The following UBE2H variants were observed in gnomAD, a reference collection of about 807,000 sequenced individuals.
UBE2H encodes ubiquitin conjugating enzyme E2 H, also known as ubiquitin-conjugating enzyme E2 H.
A neutral mutation model predicts 29.0 loss-of-function variants in UBE2H; 3 were observed. The ratio of observed to expected loss-of-function variants is 0.10; its 90% CI spans 0.05 to 0.27. The LOEUF (loss-of-function observed/expected upper bound fraction) is 0.27. Among genes scored for constraint, UBE2H ranks in the 10% least tolerant of loss-of-function variants. UBE2H has a pLI of 1.00. For synonymous variants in UBE2H, 69 were observed against 82.9 expected (o/e 0.83, Z 0.91); for missense variants, 68 against 228.2 (o/e 0.30, Z 4.52).
chr7:129,888,038 G>A (rs1328960504), intron 1 of UBE2H, among the ~76,000 whole-genome samples: 1 of 152,228 alleles, frequency 6.6e-6, no homozygotes, highest in Non-Finnish European at 1.5e-5. Context: ...AGACAAGCAT[G>A]TGTCTGTATA....
At chr7:129,865,903 G>A (rs1805895311) in intron 3 of UBE2H, among the ~76,000 whole-genome samples, 1 of 152,140 alleles carries the variant, frequency 6.6e-6, no homozygotes, top group Non-Finnish European at 1.5e-5. Flanking sequence ...TCTGTTCCTA[G>A]CACACAGGGT....
chr7:129,850,165 G>C (rs912791406), intron 5 of UBE2H, among the ~76,000 whole-genome samples: 1 of 151,966 alleles, frequency 6.6e-6, no homozygotes, highest in Non-Finnish European at 1.5e-5. Flanking sequence ...CCAGGGGTTC[G>C]AGACCAGCCT....
chr7:129,887,175 A>G (rs1334019074), intron 1 of UBE2H, among the ~76,000 whole-genome samples: 2 of 152,104 alleles, frequency 1.3e-5, no homozygotes, highest in Non-Finnish European at 2.9e-5. Context: ...AGAGCTAAGA[A>G]CAAGAACTAG....
At chr7:129,886,767 TAAAAAAA>T (rs79067201) in intron 1 of UBE2H, among the ~76,000 whole-genome samples, 6 of 72,066 alleles carry the variant, frequency 8.3e-5, no homozygotes, top group Admixed American at 3.6e-4. Context: ...TGTTTTTTGG[TAAAAAAA>T]AAAAAAAAAA....
intron 1 of UBE2H, among the ~76,000 whole-genome samples, chr7:129,917,300 G>A (rs991800042): frequency 1.3e-5 from 2 of 152,198 alleles, no homozygotes; most frequent in African/African-American, 4.8e-5. Context: ...GTATCCAACT[G>A]ATCCAGCCCA....
At chr7:129,857,218 A>G (rs1048372816) in intron 5 of UBE2H, 2 of 348,176 alleles carry the variant, frequency 5.7e-6, no homozygotes, top group Admixed American at 4.7e-5. Context: ...ACATACATAT[A>G]AAATGTTTGC....
intron 1 of UBE2H, among the ~76,000 whole-genome samples, chr7:129,889,336 G>A (rs1021205298): frequency 1.2e-4 from 18 of 152,190 alleles, no homozygotes; most frequent in African/African-American, 4.1e-4. Flanking sequence ...ACATTAAACA[G>A]AGCCCTCACA....
At chr7:129,931,646 C>T (rs191859978) in intron 1 of UBE2H, among the ~76,000 whole-genome samples, 2 of 152,126 alleles carry the variant, frequency 1.3e-5, no homozygotes, top group South Asian at 2.1e-4. Context: ...TGTATTGAAT[C>T]TGGTATGTTT....
At position 129,892,246 on chromosome 7, in the gene UBE2H, G is replaced by T. The variant is rs377216505; in HGVS notation, c.54-11275C>A. Reference sequence around the variant, plus strand: ...TTATAGGCATGAGCCACCGCACCCGGCCTCAACCTTTCTTTTTTTTTTGAG... The same window carrying T: ...TTATAGGCATGAGCCACCGCACCCGTCCTCAACCTTTCTTTTTTTTTTGAG... On this transcript the variant is annotated intron_variant, in intron 1 of 6. Transcript: ENST00000355621. Among the ~76,000 whole-genome samples the T allele has an allele frequency of 3.7e-4, 54 of 145,164 alleles. No homozygotes were observed. In the East Asian group the frequency reaches 9.3e-3, roughly 25 times the overall value.
chr7:129,911,107 G>A (rs1806927915), intron 1 of UBE2H, among the ~76,000 whole-genome samples: 1 of 152,132 alleles, frequency 6.6e-6, no homozygotes, highest in African/African-American at 2.4e-5. Flanking sequence ...ACTCATGCCT[G>A]TAATCCCAGC....
chr7:129,881,746 G>A (rs564155104), intron 1 of UBE2H, among the ~76,000 whole-genome samples: 1 of 152,192 alleles, frequency 6.6e-6, no homozygotes, highest in Non-Finnish European at 1.5e-5. Flanking sequence ...TAATGAGCCT[G>A]TCATATAAAC....
chr7:129,920,559 T>C (rs1210878080), intron 1 of UBE2H, among the ~76,000 whole-genome samples: 2 of 152,004 alleles, frequency 1.3e-5, no homozygotes, highest in African/African-American at 4.8e-5. Flanking sequence ...AAATGTATAT[T>C]TATATAAACA....
intron 1 of UBE2H, among the ~76,000 whole-genome samples, chr7:129,893,200 G>C (rs1458424292): frequency 1.3e-5 from 2 of 152,132 alleles, no homozygotes; most frequent in Non-Finnish European, 2.9e-5. Flanking sequence ...CCTTAGGAGA[G>C]GAAATTTTTC....
rs533723058 is a variant in UBE2H, at chr7:129,940,138, C to T, written c.53+12365G>A. On this transcript the variant is annotated intron_variant, in intron 1 of 6. Coordinates refer to ENST00000355621, the MANE Select transcript of UBE2H (RefSeq NM_003344.4). Reference sequence around the variant, plus strand: ...GTATCTAGTTTTCTATTTATATTACCTCAACTAAGATTTTATAATCCAAAA... The same window carrying T: ...GTATCTAGTTTTCTATTTATATTACTTCAACTAAGATTTTATAATCCAAAA... Among the ~76,000 whole-genome samples the T allele has an allele frequency of 4.6e-5, 7 of 152,058 alleles. No individual in the cohort carries two copies. The East Asian group carries it at 9.7e-4, about 21-fold the overall frequency.
At chr7:129,952,358 G>A in intron 1 of UBE2H, 145 bp downstream of exon 1, 1 of 989,392 alleles carries the variant, frequency 1.0e-6, no homozygotes, top group Non-Finnish European at 1.4e-6. Flanking sequence ...AGGTGCCAAG[G>A]AGCCGCCGTA....
chr7:129,869,912 G>C (rs1337909465), intron 3 of UBE2H, among the ~76,000 whole-genome samples: 1 of 152,086 alleles, frequency 6.6e-6, no homozygotes, highest in Non-Finnish European at 1.5e-5. Context: ...CCTTTCTCTA[G>C]TGGGTCGCTC....
At chr7:129,927,396 C>T (rs536518366) in intron 1 of UBE2H, among the ~76,000 whole-genome samples, 2 of 152,136 alleles carry the variant, frequency 1.3e-5, no homozygotes, top group South Asian at 2.1e-4. Flanking sequence ...AAAAATTAGC[C>T]GGGCGTGGTG....
At chr7:129,835,437 A>G (rs1805304851) in intron 6 of UBE2H, among the ~76,000 whole-genome samples, 1 of 152,176 alleles carries the variant, frequency 6.6e-6, no homozygotes, top group Admixed American at 6.5e-5. Flanking sequence ...ATAGTAATTT[A>G]TAAGGAAATC....
chr7:129,864,208 T>C (rs1295606746), intron 3 of UBE2H, among the ~76,000 whole-genome samples: 2 of 152,216 alleles, frequency 1.3e-5, no homozygotes, highest in East Asian at 3.8e-4. Flanking sequence ...GCCATTTACA[T>C]TCTGGATAAT....
Sources: gnomAD v4.1 joint callset for allele counts (sites outside exome capture counted in the v4.1 genomes callset) on GRCh38, gnomAD v4.1.1 for gene constraint, MANE v1.5 for transcripts, NCBI Gene and HGNC (gene_info 2026-07-23, HGNC 2026-07-21) for gene names.